Variants in ERGIC1 observed in about 807,000 individuals in gnomAD.
ERGIC1 encodes the protein endoplasmic reticulum-golgi intermediate compartment 1.
ERGIC1 carries 19 observed loss-of-function variants against 38.3 expected under a neutral mutation model. The observed-to-expected ratio is 0.50, with a 90% CI of 0.35 to 0.73. The LOEUF is 0.73. Ranked by LOEUF, ERGIC1 falls within the 30% of genes least tolerant of loss-of-function variation. The pLI is 0.01. For synonymous variants in ERGIC1, 124 were observed against 157.6 expected (o/e 0.79, Z 1.60); for missense variants, 294 against 389.2 (o/e 0.76, Z 2.06).
intron 1 of ERGIC1, among the ~76,000 whole-genome samples, chr5:172,874,481 T>C (rs1762095286): frequency 6.6e-6 from 1 of 152,200 alleles, no homozygotes; most frequent in Non-Finnish European, 1.5e-5. Flanking sequence ...CAAGTGCTTC[T>C]CCTGAACCTA....
chr5:172,839,896 A>G (rs1393051402), intron 1 of ERGIC1, among the ~76,000 whole-genome samples: 1 of 152,150 alleles, frequency 6.6e-6, no homozygotes, highest in Non-Finnish European at 1.5e-5. Context: ...TTGGCACCAG[A>G]GCTCCACTGT....
chr5:172,835,844 T>C (rs1279080824), intron 1 of ERGIC1, among the ~76,000 whole-genome samples: 1 of 152,184 alleles, frequency 6.6e-6, no homozygotes, highest in Non-Finnish European at 1.5e-5. Context: ...CTAGCAGACC[T>C]AGGCAGTTTT....
In ERGIC1 at chr5:172,935,259, C is replaced by A; in HGVS notation, c.714C>A (p.Ile238=). ...AIWFRYDLSP[I]TVKYTERRQP... ...GGTTCCGCTACGACCTCAGCCCCAT[C>A]ACGGTCAAGTACACAGAGAGACGGC... Residue 238 remains isoleucine (I), a synonymous_variant, in exon 9 of 10, where the codon ATC becomes ATA. Coordinates refer to ENST00000393784, the MANE Select transcript of ERGIC1 (RefSeq NM_001031711.3). 4 of 1,614,210 alleles carry A rather than the reference C, an allele frequency of 2.5e-6. No individual in the cohort carries two copies. The highest frequency in any genetic ancestry group is 2.5e-6 in the Non-Finnish European group (3 of 1,180,048).
chr5:172,857,031 G>C (rs1761566167), intron 1 of ERGIC1, among the ~76,000 whole-genome samples: 1 of 152,198 alleles, frequency 6.6e-6, no homozygotes, highest in South Asian at 2.1e-4. Flanking sequence ...GGGAATTCAA[G>C]AGCTTTTTGA....
At position 172,855,218 on chromosome 5, in the gene ERGIC1, G is replaced by T. The variant is rs116169510; in HGVS notation, c.20+20785G>T. ...CTGCCGGGTGGGAACAATGACGCTG[G>T]TTTCCAGGAGAGCAGTGGGGGTGGG... is the stretch of plus-strand genomic sequence containing the variant. On this transcript the variant is annotated intron_variant, in intron 1 of 9. Coordinates refer to ENST00000393784, the MANE Select transcript of ERGIC1 (RefSeq NM_001031711.3). 8.6e-3 allele frequency among the ~76,000 whole-genome samples: 1,304 copies of T among 152,306 alleles called. 14 individuals are homozygous for T. Among genetic ancestry groups the T allele is most frequent in the African/African-American group, 0.03 (1,230 of 41,546 alleles).
chr5:172,872,543 G>A (rs913900627), intron 1 of ERGIC1, among the ~76,000 whole-genome samples: 1 of 152,152 alleles, frequency 6.6e-6, no homozygotes, highest in African/African-American at 2.4e-5. Context: ...GGCCAGGCTT[G>A]GTAGCTCACA....
In ERGIC1 at chr5:172,869,464, C is replaced by T. The variant is rs1352043315; in HGVS notation, c.21-19235C>T. ...AAGCTGGGAGGCAAGCCATGGCTCT[C>T]TGGTGGGTCCAGGCTCCCTCTGGCG... On this transcript the variant is annotated intron_variant, in intron 1 of 9. Coordinates refer to ENST00000393784, the MANE Select transcript of ERGIC1 (RefSeq NM_001031711.3). 3.9e-5 allele frequency among the ~76,000 whole-genome samples: 6 copies of T among 152,224 alleles called. No homozygotes were observed. In the East Asian group the frequency reaches 1.2e-3, roughly 29 times the overall value.
At chr5:172,876,302 C>CTGCA (rs776999475) in intron 1 of ERGIC1, among the ~76,000 whole-genome samples, 8 of 152,204 alleles carry the variant, frequency 5.3e-5, no homozygotes, top group Non-Finnish European at 1.2e-4. Context: ...CTTAGTCTTT[C>CTGCA]TGCATACATT....
intron 2 of ERGIC1, among the ~76,000 whole-genome samples, chr5:172,895,572 A>G (rs1382510209): frequency 6.6e-6 from 1 of 152,132 alleles, no homozygotes; most frequent in Non-Finnish European, 1.5e-5. Context: ...CTTTCTGGAT[A>G]TCAGTCTAGT....
At chr5:172,915,474 C>T (rs760795533) in intron 5 of ERGIC1, 16 of 430,700 alleles carry the variant, frequency 3.7e-5, no homozygotes, top group South Asian at 8.5e-5. Context: ...GTACCTTGTC[C>T]GCTCAGAAGG....
chr5:172,939,101 T>C (rs1315096100), intron 9 of ERGIC1, among the ~76,000 whole-genome samples: 9 of 151,968 alleles, frequency 5.9e-5, no homozygotes, highest in Admixed American at 5.9e-4. Flanking sequence ...GGCAAGTGGC[T>C]GAGAAATGAA....
intron 3 of ERGIC1, among the ~76,000 whole-genome samples, chr5:172,904,287 CA>C (rs1762964046): frequency 6.6e-6 from 1 of 152,240 alleles, no homozygotes; most frequent in Non-Finnish European, 1.5e-5. Context: ...TACATTCTGT[CA>C]CCAAAGAAGG....
Position 172,926,640 on chromosome 5 carries a change from A to C in ERGIC1, c.541+71A>C. ...TACAGCAGGCAGGGAGGGGGAGGGC[A>C]GAGAGGTGGGGGTGCCTGTCCAGCA... is the stretch of plus-strand genomic sequence containing the variant. On this transcript the variant is annotated intron_variant, in intron 7 of 9. Coordinates refer to ENST00000393784, the MANE Select transcript of ERGIC1 (RefSeq NM_001031711.3). This position sits in a 1 kb window ranked among gnomAD's most constrained non-coding sequence, Gnocchi z 5.2. 6.4e-7 allele frequency: 1 copy of C among 1,564,668 alleles called. No individual in the cohort carries two copies. The highest frequency in any genetic ancestry group is 8.7e-7 in the Non-Finnish European group (1 of 1,145,332).
chr5:172,917,995 A>G (rs1033083593), intron 5 of ERGIC1: 1 of 152,188 alleles, frequency 6.6e-6, no homozygotes, highest in African/African-American at 2.4e-5. Flanking sequence ...AAAACCCTGT[A>G]CCTACAAAAA....
chr5:172,854,645 G>A (rs1438089064), intron 1 of ERGIC1, among the ~76,000 whole-genome samples: 1 of 152,230 alleles, frequency 6.6e-6, no homozygotes, highest in African/African-American at 2.4e-5. Context: ...ATGGGAGGGC[G>A]TGCTGGCCAG....
chr5:172,918,223 G>C (rs560348810), intron 5 of ERGIC1: 2 of 152,210 alleles, frequency 1.3e-5, no homozygotes, highest in Non-Finnish European at 2.9e-5. Context: ...TGATGCATCA[G>C]TAAAGCAGCA....
At chr5:172,841,339 C>T (rs1761155122) in intron 1 of ERGIC1, among the ~76,000 whole-genome samples, 1 of 152,192 alleles carries the variant, frequency 6.6e-6, no homozygotes, top group South Asian at 2.1e-4. Context: ...TCTTCTCCCT[C>T]TGAGTGGGCA....
At chr5:172,912,759 T>TTTTC (rs936822916) in intron 4 of ERGIC1, among the ~76,000 whole-genome samples, 1 of 149,082 alleles carries the variant, frequency 6.7e-6, no homozygotes, top group African/African-American at 2.4e-5. Flanking sequence ...TTTACTTTTC[T>TTTTC]TTTCTTTCTT....
intron 3 of ERGIC1, among the ~76,000 whole-genome samples, chr5:172,904,532 G>A (rs1762970130): frequency 6.6e-6 from 1 of 152,232 alleles, no homozygotes. Context: ...CCTTCCCACT[G>A]CCCACACTGG....
Sources: gnomAD v4.1 joint callset for allele counts (sites outside exome capture counted in the v4.1 genomes callset) on GRCh38, gnomAD v4.1.1 for gene constraint, Gnocchi (gnomAD v3.1) non-coding constraint, MANE v1.5 for transcripts, NCBI Gene and HGNC (gene_info 2026-07-23, HGNC 2026-07-21) for gene names.